Variants in CADPS2 observed in about 807,000 individuals in gnomAD.
CADPS2 encodes calcium dependent secretion activator 2, also known as calcium-dependent secretion activator 2.
Under a neutral mutation model 172.5 loss-of-function variants are expected in CADPS2, and 93 were observed. That is an observed-to-expected ratio of 0.54 (90% CI 0.46 to 0.64). CADPS2 has a LOEUF of 0.64. Among genes scored for constraint, CADPS2 ranks in the 30% least tolerant of loss-of-function variants. The probability of loss-of-function intolerance (pLI) is 0.00; values close to 1 mark genes in which losing one functional copy is unlikely to be tolerated. For missense variants in CADPS2, 1,420 were observed against 1,565.9 expected, an observed-to-expected ratio of 0.91 and a Z score of 1.57; for synonymous variants, 546 against 555.2, an observed-to-expected ratio of 0.98 and a Z score of 0.23.
Position 122,393,325 on chromosome 7 carries a change from A to G in CADPS2, c.2889-10T>C, listed in dbSNP as rs2074588. 516,058 of 1,613,334 alleles carry G rather than the reference A, an allele frequency of 0.32. 83,334 individuals carry two copies. Among genetic ancestry groups the G allele is most frequent in the East Asian group, 0.4 (17,979 of 44,850 alleles). On this transcript the variant is annotated splice_polypyrimidine_tract_variant and intron_variant, in intron 21 of 29. Coordinates refer to ENST00000449022, the MANE Select transcript of CADPS2 (RefSeq NM_017954.11). ...ACTGTTGGCGATATTCCTGTAAAGA[A>G]ACAAACAACGTGGGAAGGGACCACC... is the stretch of plus-strand genomic sequence containing the variant.
intron 8 of CADPS2, among the ~76,000 whole-genome samples, chr7:122,554,038 A>C (rs1277633878): frequency 6.6e-6 from 1 of 152,134 alleles, no homozygotes; most frequent in East Asian, 1.9e-4. Flanking sequence ...TTTCTTCCCC[A>C]GGCAACAGTA....
In CADPS2 at chr7:122,868,513, C is replaced by G. The variant is rs140725417; in HGVS notation, c.339+17486G>C. On this transcript the variant is annotated intron_variant, in intron 1 of 29. Coordinates refer to ENST00000449022, the MANE Select transcript of CADPS2 (RefSeq NM_017954.11). Reference sequence around the variant, plus strand: ...ACTTGACACTCTAATTTCCTAGGAGCCACTAAGAACAAAGACAGCAGGTTG... The same window carrying G: ...ACTTGACACTCTAATTTCCTAGGAGGCACTAAGAACAAAGACAGCAGGTTG... Among the ~76,000 whole-genome samples the G allele has an allele frequency of 7.2e-5, 11 of 152,248 alleles. No individual in the cohort carries two copies. The East Asian group carries it at 1.7e-3, about 24-fold the overall frequency.
chr7:122,360,655 C>T, intron 27 of CADPS2, 133 bp downstream of exon 27: 1 of 756,642 alleles, frequency 1.3e-6, no homozygotes, highest in Non-Finnish European at 2.1e-6. Context: ...AAGGTTAGTG[C>T]TTGCTTAAGG....
At position 122,472,279 on chromosome 7, in the gene CADPS2, T is replaced by G. The variant is rs552502581; in HGVS notation, c.1999-717A>C. Among the ~76,000 whole-genome samples the G allele has an allele frequency of 1.7e-3, 256 of 150,018 alleles. 1 individual carries two copies. The highest frequency in any genetic ancestry group is 6.2e-3 in the African/African-American group (253 of 40,574). On this transcript the variant is annotated intron_variant, in intron 13 of 29. Coordinates refer to ENST00000449022, the MANE Select transcript of CADPS2 (RefSeq NM_017954.11). ...AGAAAAGAAGGGAGTATAGAGAGTT[T>G]TAAAAGGGGGCAGGGTAATCATGTA...
chr7:122,324,173 G>A (rs1279031496), intron 29 of CADPS2, among the ~76,000 whole-genome samples: 1 of 151,856 alleles, frequency 6.6e-6, no homozygotes, highest in Non-Finnish European at 1.5e-5. Context: ...AATTTTACTT[G>A]TTATTTATGA....
At chr7:122,381,079 A>G (rs2042942463) in intron 24 of CADPS2, among the ~76,000 whole-genome samples, 1 of 152,086 alleles carries the variant, frequency 6.6e-6, no homozygotes, top group Non-Finnish European at 1.5e-5. Flanking sequence ...AGACCAGCTG[A>G]ACAATTCCAG....
chr7:122,447,022 T>C (rs1357414780), intron 15 of CADPS2, among the ~76,000 whole-genome samples: 2 of 144,830 alleles, frequency 1.4e-5, no homozygotes, highest in East Asian at 4.1e-4. Flanking sequence ...TGGACATAAG[T>C]AGCTCCCTCT....
chr7:122,382,682 G>A (rs961864364), intron 24 of CADPS2, among the ~76,000 whole-genome samples: 3 of 152,004 alleles, frequency 2.0e-5, no homozygotes, highest in Non-Finnish European at 4.4e-5. Flanking sequence ...GGCTGGGCAT[G>A]GTGGCTCATG....
intron 20 of CADPS2, among the ~76,000 whole-genome samples, chr7:122,407,052 A>G (rs952554827): frequency 2.0e-5 from 3 of 152,356 alleles, no homozygotes; most frequent in African/African-American, 7.2e-5. Flanking sequence ...CTAAATGTTG[A>G]ATGAGCAAGT....
chr7:122,505,018 C>T (rs1415740445), intron 9 of CADPS2, among the ~76,000 whole-genome samples: 7 of 152,150 alleles, frequency 4.6e-5, no homozygotes, highest in Non-Finnish European at 8.8e-5. Flanking sequence ...TTGTCTATTT[C>T]TAATGGACAT....
intron 29 of CADPS2, among the ~76,000 whole-genome samples, chr7:122,324,427 G>A (rs1466107898): frequency 6.6e-6 from 1 of 152,140 alleles, no homozygotes; most frequent in Non-Finnish European, 1.5e-5. Context: ...ACTTTAGCAT[G>A]TTTTCATGTA....
In CADPS2 at chr7:122,787,508, G is replaced by A. The variant is rs543765411; in HGVS notation, c.340-50440C>T. 4.6e-5 allele frequency among the ~76,000 whole-genome samples: 7 copies of A among 152,284 alleles called. No homozygotes were observed. In the East Asian group the frequency reaches 1.4e-3, roughly 29 times the overall value. On this transcript the variant is annotated intron_variant, in intron 1 of 29. Coordinates refer to ENST00000449022, the MANE Select transcript of CADPS2 (RefSeq NM_017954.11). Reference sequence around the variant, plus strand: ...TTATTCAACTTCAAAGGGAAGTTAGGAATGGTCAGTTAGCCAACAGAGTTT... The same window carrying A: ...TTATTCAACTTCAAAGGGAAGTTAGAAATGGTCAGTTAGCCAACAGAGTTT...
chr7:122,503,329 C>T (rs745427327), intron 9 of CADPS2, among the ~76,000 whole-genome samples: 1 of 152,010 alleles, frequency 6.6e-6, no homozygotes, highest in Non-Finnish European at 1.5e-5. Flanking sequence ...CCACTGTGCA[C>T]GGCCAATACA....
At chr7:122,848,191 TCTTA>T (rs1452749976) in intron 1 of CADPS2, among the ~76,000 whole-genome samples, 3 of 152,166 alleles carry the variant, frequency 2.0e-5, no homozygotes, top group African/African-American at 7.2e-5. Flanking sequence ...AAAGCAATGC[TCTTA>T]CTCTCAAGCC....
At chr7:122,702,560 T>G (rs142695415) in intron 2 of CADPS2, 1 of 1,613,582 alleles carries the variant, frequency 6.2e-7, no homozygotes, top group East Asian at 2.2e-5. Context: ...AGGAGAATGA[T>G]TCCCGAACAC....
intron 27 of CADPS2, chr7:122,354,237 T>C (rs1025382020): frequency 6.6e-6 from 1 of 152,228 alleles, no homozygotes; most frequent in African/African-American, 2.4e-5. Flanking sequence ...CTAGCATTTA[T>C]TGTGCACTAA....
At chr7:122,617,912 A>C (rs534586293) in intron 5 of CADPS2, among the ~76,000 whole-genome samples, 93 of 152,174 alleles carry the variant, frequency 6.1e-4, no homozygotes, top group Admixed American at 9.8e-4. Context: ...GCTTGGTGGC[A>C]GGCACCTGTA....
chr7:122,386,925 T>C (rs2043760284), intron 24 of CADPS2, 101 bp downstream of exon 24: 1 of 1,218,476 alleles, frequency 8.2e-7, no homozygotes. Context: ...GCTAGAGAAC[T>C]TGGTCTTTTC....
At chr7:122,702,212 C>T (rs755013018) in intron 2 of CADPS2, 1 of 1,613,658 alleles carries the variant, frequency 6.2e-7, no homozygotes, top group Non-Finnish European at 8.5e-7. Context: ...GTGCATTCTC[C>T]CCACTTCAAT....
Sources: allele counts gnomAD v4.1 joint callset (sites outside exome capture counted in the v4.1 genomes callset), GRCh38; gene constraint gnomAD v4.1.1; transcripts MANE v1.5; gene names NCBI Gene and HGNC (gene_info 2026-07-23, HGNC 2026-07-21).